ADAM32: variants seen among roughly 807,000 people sequenced by gnomAD.
ADAM32 encodes the protein disintegrin and metalloproteinase domain-containing protein 32.
A neutral mutation model predicts 114.9 loss-of-function variants in ADAM32; 89 were observed. The observed-to-expected ratio is 0.77, with a 90% CI of 0.65 to 0.92. ADAM32 has a LOEUF of 0.92. ADAM32 is among the 40% of genes least tolerant of loss of function. ADAM32 has a pLI of 0.00. For synonymous variants in ADAM32, 285 were observed against 307.5 expected, an observed-to-expected ratio of 0.93 and a Z score of 0.77; for missense variants, 870 against 932.8, an observed-to-expected ratio of 0.93 and a Z score of 0.88.
intron 3 of ADAM32, among the ~76,000 whole-genome samples, chr8:39,146,896 A>G (rs1426919618): frequency 1.3e-5 from 2 of 152,158 alleles, no homozygotes; most frequent in Non-Finnish European, 2.9e-5. Context: ...CAGATAGTAA[A>G]TGTTTTAGAC....
At chr8:39,244,049 C>T (rs952635776) in intron 16 of ADAM32, among the ~76,000 whole-genome samples, 2 of 151,912 alleles carry the variant, frequency 1.3e-5, no homozygotes, top group Non-Finnish European at 2.9e-5. Flanking sequence ...TGCAACAAAA[C>T]CCCCCAATAT....
upstream of ADAM32, chr8:39,107,684 C>G: frequency 6.5e-7 from 1 of 1,540,698 alleles, no homozygotes; most frequent in Non-Finnish European, 8.7e-7. Flanking sequence ...CATGAACGTG[C>G]GGGGAGCGGC....
At chr8:39,157,935 G>T in intron 6 of ADAM32, 1 of 373,452 alleles carries the variant, frequency 2.7e-6, no homozygotes, top group Non-Finnish European at 5.1e-6. Flanking sequence ...GTGCCACAGA[G>T]AAGGTCATAT....
chr8:39,195,036 C>A (rs1038840957), intron 11 of ADAM32, among the ~76,000 whole-genome samples: 36 of 152,188 alleles, frequency 2.4e-4, no homozygotes, highest in African/African-American at 8.2e-4. Flanking sequence ...TAAACTCACC[C>A]TTTCCCCAGG....
In ADAM32 at chr8:39,257,195, A is replaced by G; in HGVS notation, c.2014A>G (p.Met672Val). ...TGTATTTCTGTTTTTAGGTTCAATC[A>G]TGGAAAGAGCATCTGGGAAGACTGA... ...IFPEEDMGSI[M>V]ERASGKTENT... The change falls in exon 19 of 25, where the codon ATG becomes GTG. Residue 672 changes from methionine to valine, a missense_variant. Coordinates refer to ENST00000379907, the MANE Select transcript of ADAM32 (RefSeq NM_145004.7). 2 of 1,573,836 alleles carry G rather than the reference A, an allele frequency of 1.3e-6. No individual in the cohort carries two copies. The highest frequency in any genetic ancestry group is 1.7e-6 in the Non-Finnish European group (2 of 1,161,156).
chr8:39,117,918 A>G (rs1326407786), intron 1 of ADAM32, among the ~76,000 whole-genome samples, 168 bp from the exon 2 acceptor site: 3 of 152,002 alleles, frequency 2.0e-5, no homozygotes, highest in African/African-American at 7.2e-5. Flanking sequence ...TTGTTCTTTC[A>G]TAAGTATCTT....
At chr8:39,206,072 A>T (rs910867353) in intron 11 of ADAM32, among the ~76,000 whole-genome samples, 1 of 152,162 alleles carries the variant, frequency 6.6e-6, no homozygotes, top group Non-Finnish European at 1.5e-5. Context: ...TTATAGTATT[A>T]GTTGGATAGG....
At chr8:39,172,622 C>T (rs1194590625) in intron 10 of ADAM32, among the ~76,000 whole-genome samples, 1 of 152,216 alleles carries the variant, frequency 6.6e-6, no homozygotes, top group Admixed American at 6.5e-5. Flanking sequence ...AGGATAATGG[C>T]TTCCAGTTCC....
intron 2 of ADAM32, among the ~76,000 whole-genome samples, chr8:39,127,752 T>C (rs1802205172): frequency 1.3e-5 from 2 of 152,184 alleles, no homozygotes; most frequent in South Asian, 4.1e-4. Context: ...GTTCTCTAGT[T>C]CTTTTTGTTG....
At chr8:39,128,091 G>T (rs949943305) in intron 2 of ADAM32, among the ~76,000 whole-genome samples, 1 of 151,956 alleles carries the variant, frequency 6.6e-6, no homozygotes, top group Non-Finnish European at 1.5e-5. Flanking sequence ...TTTCTGTTTC[G>T]ATGATCTGTC....
intron 16 of ADAM32, among the ~76,000 whole-genome samples, chr8:39,238,914 T>G (rs1044849627): frequency 2.0e-5 from 3 of 151,858 alleles, no homozygotes; most frequent in African/African-American, 7.3e-5. Flanking sequence ...TCCATGAAGT[T>G]TGGGATTATG....
At chr8:39,229,307 G>C (rs1354085384) in intron 14 of ADAM32, among the ~76,000 whole-genome samples, 1 of 151,982 alleles carries the variant, frequency 6.6e-6, no homozygotes, top group East Asian at 1.9e-4. Flanking sequence ...AAAGCACAGA[G>C]GCAACAAAGA....
At chr8:39,141,995 A>G (rs1803189839) in intron 3 of ADAM32, among the ~76,000 whole-genome samples, 1 of 152,146 alleles carries the variant, frequency 6.6e-6, no homozygotes, top group Non-Finnish European at 1.5e-5. Context: ...CTGTTTTATC[A>G]GAGACTAGGA....
chr8:39,232,631 A>C (rs1809822191), intron 15 of ADAM32, among the ~76,000 whole-genome samples: 1 of 152,168 alleles, frequency 6.6e-6, no homozygotes, highest in South Asian at 2.1e-4. Context: ...GTAGACTCAT[A>C]AACATACCAT....
At chr8:39,257,729 G>A (rs1002479413) in intron 19 of ADAM32, among the ~76,000 whole-genome samples, 6 of 152,182 alleles carry the variant, frequency 3.9e-5, no homozygotes, top group Middle Eastern at 3.4e-3. Context: ...CATATAAGAA[G>A]TAATTTTAAA....
At chr8:39,264,780 TA>T (rs1433652749) in intron 19 of ADAM32, among the ~76,000 whole-genome samples, 2 of 152,220 alleles carry the variant, frequency 1.3e-5, no homozygotes, top group African/African-American at 4.8e-5. Context: ...ATAATTTTTT[TA>T]TTTCTGCCTT....
At chr8:39,281,020 G>A (rs991876349) in intron 22 of ADAM32, 116 bp from the exon 23 acceptor site, 2 of 262,244 alleles carry the variant, frequency 7.6e-6, no homozygotes, top group African/African-American at 4.6e-5. Flanking sequence ...CTGACCTTGT[G>A]ATCCACTCGC....
chr8:39,282,864 A>G (rs936291231), intron 23 of ADAM32, among the ~76,000 whole-genome samples: 10 of 152,192 alleles, frequency 6.6e-5, no homozygotes, highest in Non-Finnish European at 1.0e-4. Flanking sequence ...AACTAATTAT[A>G]TTAAATAAGA....
intron 16 of ADAM32, among the ~76,000 whole-genome samples, chr8:39,236,238 GATAGTTC>G (rs1810134275): frequency 6.6e-6 from 1 of 152,008 alleles, no homozygotes; most frequent in African/African-American, 2.4e-5. Context: ...AGACTCTAAT[GATAGTTC>G]ATATTTTATG....
Sources: allele counts gnomAD v4.1 joint callset (sites outside exome capture counted in the v4.1 genomes callset), GRCh38; gene constraint gnomAD v4.1.1; transcripts MANE v1.5; gene names NCBI Gene and HGNC (gene_info 2026-07-23, HGNC 2026-07-21).